The following RNF216 variants were observed in gnomAD, a reference collection of about 807,000 sequenced individuals.
The protein encoded by RNF216 is ring finger protein 216, also known as E3 ubiquitin-protein ligase RNF216.
In RNF216, 72 loss-of-function variants were observed where a neutral mutation model predicts 110.8. The ratio of observed to expected loss-of-function variants is 0.65; its 90% confidence interval spans 0.54 to 0.79. The LOEUF (loss-of-function observed/expected upper bound fraction) is 0.79, where lower values mean the gene tolerates loss of function less well. Among genes scored for constraint, RNF216 ranks in the 30% least tolerant of loss-of-function variants. RNF216 has a pLI of 0.00. For synonymous variants in RNF216, 495 were observed against 407.5 expected (o/e 1.21, Z -2.59); for missense variants, 1,342 against 1,141.2 (o/e 1.18, Z -2.54).
At chr7:5,732,038 G>T (rs28380174) in intron 5 of RNF216, among the ~76,000 whole-genome samples, 42 of 151,992 alleles carry the variant, frequency 2.8e-4, no homozygotes, top group African/African-American at 8.9e-4. Context: ...TAAGCTCCCC[G>T]CTTCCCTACC....
At chr7:5,623,560 G>T (rs1304185183) in intron 16 of RNF216, among the ~76,000 whole-genome samples, 1 of 151,514 alleles carries the variant, frequency 6.6e-6, no homozygotes, top group East Asian at 1.9e-4. Context: ...TCACCCTCCC[G>T]AGTGCTGGGA....
At chr7:5,677,101 C>G (rs879784407) in intron 13 of RNF216, among the ~76,000 whole-genome samples, 1 of 152,314 alleles carries the variant, frequency 6.6e-6, no homozygotes, top group African/African-American at 2.4e-5. Context: ...TTTTAGGGCA[C>G]TCTGACGTAT....
At chr7:5,676,652 T>C (rs1790316993) in intron 13 of RNF216, among the ~76,000 whole-genome samples, 1 of 152,012 alleles carries the variant, frequency 6.6e-6, no homozygotes, top group Non-Finnish European at 1.5e-5. Context: ...ACACACACAA[T>C]TGGGAGGAGC....
intron 13 of RNF216, chr7:5,666,782 AG>A (rs1193933689): frequency 6.7e-6 from 1 of 149,502 alleles, no homozygotes; most frequent in Non-Finnish European, 1.5e-5. Context: ...CATACAATAC[AG>A]GTTGTGGAAC....
At chr7:5,629,594 C>A (rs955476907) in intron 15 of RNF216, among the ~76,000 whole-genome samples, 2 of 151,378 alleles carry the variant, frequency 1.3e-5, no homozygotes, top group Admixed American at 6.6e-5. Flanking sequence ...TTTGGGAGGC[C>A]GAGGCGGGCG....
chr7:5,778,025 C>T (rs1424577494), intron 1 of RNF216, among the ~76,000 whole-genome samples: 1 of 152,238 alleles, frequency 6.6e-6, no homozygotes, highest in Non-Finnish European at 1.5e-5. Context: ...CATGCTTCTG[C>T]TTCTAGCCCA....
At chr7:5,642,119 C>G (rs1584361161) in intron 14 of RNF216, among the ~76,000 whole-genome samples, 1 of 150,984 alleles carries the variant, frequency 6.6e-6, no homozygotes, top group East Asian at 2.0e-4. Flanking sequence ...GTACTATTAC[C>G]TTAATGAGTC....
chr7:5,753,555 T>A (rs1375701184), intron 2 of RNF216, among the ~76,000 whole-genome samples: 2 of 152,190 alleles, frequency 1.3e-5, no homozygotes, highest in Non-Finnish European at 2.9e-5. Flanking sequence ...TCTAACCATC[T>A]AAATGTAGTA....
intron 13 of RNF216, among the ~76,000 whole-genome samples, chr7:5,671,507 TAAG>T (rs1472263384): frequency 2.0e-5 from 3 of 151,976 alleles, no homozygotes; most frequent in South Asian, 2.1e-4. Context: ...GATAGCCTTA[TAAG>T]AAGGACAGAG....
At chr7:5,660,235 G>T (rs1386303263) in intron 13 of RNF216, among the ~76,000 whole-genome samples, 5 of 128,640 alleles carry the variant, frequency 3.9e-5, no homozygotes, top group African/African-American at 1.4e-4. Flanking sequence ...TTATAAATAT[G>T]AGCCACAGAG....
chr7:5,626,844 A>T (rs1298120169), intron 15 of RNF216, among the ~76,000 whole-genome samples: 2 of 152,218 alleles, frequency 1.3e-5, no homozygotes, highest in African/African-American at 4.8e-5. Context: ...AAGTATGTAA[A>T]GGATGTAGCC....
intron 13 of RNF216, among the ~76,000 whole-genome samples, chr7:5,687,211 C>A (rs1216539985): frequency 6.6e-6 from 1 of 152,008 alleles, no homozygotes; most frequent in African/African-American, 2.4e-5. Flanking sequence ...GCCTGGCCAA[C>A]ATGGTGAAAC....
intron 13 of RNF216, among the ~76,000 whole-genome samples, chr7:5,710,985 A>G (rs764902629): frequency 6.6e-6 from 1 of 152,228 alleles, no homozygotes; most frequent in African/African-American, 2.4e-5. Context: ...TAAAGTTTTG[A>G]TCCATTAGTT....
At chr7:5,654,591 G>A (rs1381173078) in intron 13 of RNF216, among the ~76,000 whole-genome samples, 1 of 150,248 alleles carries the variant, frequency 6.7e-6, no homozygotes, top group Non-Finnish European at 1.5e-5. Context: ...GGAGGCTGAG[G>A]CAGGAGAATC....
At chr7:5,737,091 T>C (rs1470750298) in intron 5 of RNF216, among the ~76,000 whole-genome samples, 1 of 152,076 alleles carries the variant, frequency 6.6e-6, no homozygotes, top group African/African-American at 2.4e-5. Context: ...AAGGGGGAAA[T>C]GTGGGGAAAA....
chr7:5,630,507 T>C (rs953923787), intron 15 of RNF216, among the ~76,000 whole-genome samples: 8 of 151,934 alleles, frequency 5.3e-5, no homozygotes, highest in Non-Finnish European at 1.5e-5. Flanking sequence ...GCTCCCCGAG[T>C]AGGTGGGACT....
chr7:5,712,980 G>T, intron 11 of RNF216, 117 bp from the exon 12 acceptor site: 1 of 909,222 alleles, frequency 1.1e-6, no homozygotes. Context: ...CTCTCTGCCT[G>T]TTCATCTCTG....
chr7:5,654,121 T>A (rs1326365516), intron 13 of RNF216, among the ~76,000 whole-genome samples: 1 of 151,636 alleles, frequency 6.6e-6, no homozygotes, highest in Non-Finnish European at 1.5e-5. Context: ...AGACAGAAGC[T>A]AGTAAAGCCA....
At chr7:5,732,262 G>C (rs1794138330) in intron 5 of RNF216, among the ~76,000 whole-genome samples, 1 of 152,180 alleles carries the variant, frequency 6.6e-6, no homozygotes, top group Admixed American at 6.5e-5. Flanking sequence ...TTAGCCACCA[G>C]CAAAAATCGC....
Sources: gnomAD v4.1 joint callset for allele counts (sites outside exome capture counted in the v4.1 genomes callset) on GRCh38, gnomAD v4.1.1 for gene constraint, MANE v1.5 for transcripts, NCBI Gene and HGNC (gene_info 2026-07-23, HGNC 2026-07-21) for gene names.